KLF8: variants seen among roughly 807,000 people sequenced by gnomAD.
KLF8 encodes the protein KLF transcription factor 8, also known as Krueppel-like factor 8.
Under a neutral mutation model 18.2 loss-of-function variants are expected in KLF8, and 10 were observed. The ratio of observed to expected loss-of-function variants is 0.55; its 90% CI spans 0.34 to 0.93. KLF8 has a LOEUF of 0.93. Among genes scored for constraint, KLF8 ranks in the 40% least tolerant of loss-of-function variants. KLF8 has a pLI of 0.02. For synonymous variants in KLF8, 109 were observed against 97.3 expected (o/e 1.12, Z -0.71); for missense variants, 264 against 277.9 (o/e 0.95, Z 0.36).
In KLF8 at chrX:56,232,801, T is replaced by C. The variant is rs2147549004; in HGVS notation, c.-534T>C. 1 of 115,016 alleles carries C rather than the reference T, an allele frequency of 8.7e-6. No homozygotes were observed. Among genetic ancestry groups the C allele is most frequent in the East Asian group, 2.7e-4 (1 of 3,730 alleles). The allele number at this position is 115,016 out of a possible 1,213,427, so 9.5% of individuals were successfully genotyped here. A position where few individuals can be genotyped will look rare whatever the true frequency, so the allele number is the denominator to read the frequency against. On this transcript the variant is annotated 5_prime_UTR_variant, in exon 1 of 6. Coordinates refer to ENST00000468660, the MANE Select transcript of KLF8 (RefSeq NM_007250.5). ...ATTTCTTCTCCGCCTCAACTTTATG[T>C]TCAAGTAGCGCTTTGGGGGTTGGGT...
intron 2 of KLF8, among the ~76,000 whole-genome samples, chrX:56,264,276 T>C (rs1409460038): frequency 9.0e-6 from 1 of 111,356 alleles, no homozygotes; most frequent in African/African-American, 3.2e-5. Context: ...AAAAAAGTAT[T>C]AGTTTTTTAT....
At chrX:56,060,388 G>A in the KLF8 span, among the ~76,000 whole-genome samples, 4 of 111,623 alleles carry the variant, frequency 3.6e-5, no homozygotes, top group African/African-American at 9.8e-5. Flanking sequence ...AGAGTTTTTA[G>A]CATGAAGAGG....
At chrX:56,081,176 C>T in the KLF8 span, among the ~76,000 whole-genome samples, 1 of 111,801 alleles carries the variant, frequency 8.9e-6, no homozygotes, top group East Asian at 2.8e-4. Flanking sequence ...CATCTTTGTT[C>T]TGTTGCTTGT....
the KLF8 span, among the ~76,000 whole-genome samples, chrX:55,987,527 A>C: frequency 8.9e-6 from 1 of 111,733 alleles, no homozygotes; most frequent in Non-Finnish European, 1.9e-5. Flanking sequence ...AAAGGACATG[A>C]ACTCATCATT....
At chrX:56,265,877 T>C (rs1463069239) in intron 3 of KLF8, 133 bp downstream of exon 3, 1 of 1,065,528 alleles carries the variant, frequency 9.4e-7, no homozygotes. Flanking sequence ...TCAAAAGTAC[T>C]GTTTTTTATG....
chrX:56,017,016 T>C, the KLF8 span, among the ~76,000 whole-genome samples: 1 of 111,619 alleles, frequency 9.0e-6, no homozygotes, highest in African/African-American at 3.3e-5. Context: ...AGGGAGGTGC[T>C]ATATATCTAT....
the KLF8 span, among the ~76,000 whole-genome samples, chrX:55,911,978 G>A: frequency 8.9e-6 from 1 of 112,020 alleles, no homozygotes; most frequent in East Asian, 2.8e-4. Flanking sequence ...AGATACTGAT[G>A]TAATTGGTTG....
rs2147652509 is a variant in KLF8, at chrX:56,265,605, A to C, written c.507A>C (p.Pro169=). The change falls in exon 3 of 6, where the codon CCA becomes CCC. Residue 169 remains proline (P), a synonymous_variant. Transcript: ENST00000468660. ...VIHTIPSVSL[P]NKMGGLKTIP... Reference sequence around the variant, plus strand: ...ACACTATCCCCTCAGTCAGTCTGCCAAATAAGATGGGTGGCCTGAAGACCA... The same window carrying C: ...ACACTATCCCCTCAGTCAGTCTGCCCAATAAGATGGGTGGCCTGAAGACCA... The C allele has an allele frequency of 8.3e-7, 1 of 1,211,902 alleles. No individual in the cohort carries two copies. The highest frequency in any genetic ancestry group is 3.0e-5 in the East Asian group (1 of 33,859).
At chrX:56,174,653 A>G in the KLF8 span, among the ~76,000 whole-genome samples, 1 of 111,928 alleles carries the variant, frequency 8.9e-6, no homozygotes, top group African/African-American at 3.2e-5. Context: ...ATTGATTGGA[A>G]TAGTTTCAGA....
the KLF8 span, among the ~76,000 whole-genome samples, chrX:56,135,619 G>T: frequency 5.5e-5 from 6 of 109,980 alleles, 1 homozygote; most frequent in African/African-American, 2.0e-4. Flanking sequence ...GTTAATGGGT[G>T]CAGCACACCA....
At chrX:56,206,146 A>C in the KLF8 span, among the ~76,000 whole-genome samples, 2 of 111,270 alleles carry the variant, frequency 1.8e-5, no homozygotes, top group African/African-American at 6.5e-5. Flanking sequence ...ATCTCCACCT[A>C]GCCCTTCCCT....
chrX:56,195,421 G>T, the KLF8 span, among the ~76,000 whole-genome samples: 1 of 112,195 alleles, frequency 8.9e-6, no homozygotes, highest in African/African-American at 3.2e-5. Flanking sequence ...CATGGTTTGA[G>T]AACTTCGTGA....
At chrX:55,939,442 C>T in the KLF8 span, among the ~76,000 whole-genome samples, 1 of 111,375 alleles carries the variant, frequency 9.0e-6, no homozygotes, top group East Asian at 2.8e-4. Flanking sequence ...CTAAAATTGA[C>T]ACCCTAACAT....
chrX:56,014,233 C>A, the KLF8 span, among the ~76,000 whole-genome samples: 2 of 112,045 alleles, frequency 1.8e-5, no homozygotes, highest in Non-Finnish European at 3.8e-5. Context: ...TGCAACCTAT[C>A]CATCTGACAA....
chrX:56,153,442 T>A, the KLF8 span, among the ~76,000 whole-genome samples: 8 of 111,609 alleles, frequency 7.2e-5, no homozygotes, highest in Admixed American at 7.7e-4. Flanking sequence ...TTCTCATACA[T>A]GTCTCTGCAT....
At chrX:56,119,992 C>A in the KLF8 span, among the ~76,000 whole-genome samples, 20 of 105,736 alleles carry the variant, frequency 1.9e-4, no homozygotes, top group Admixed American at 1.7e-3. Flanking sequence ...TTTAGAAAGG[C>A]TATATATATA....
At chrX:56,034,600 G>A in the KLF8 span, among the ~76,000 whole-genome samples, 1 of 110,739 alleles carries the variant, frequency 9.0e-6, no homozygotes, top group Non-Finnish European at 1.9e-5. Flanking sequence ...TAAGATCAGG[G>A]TAACTAACAT....
At chrX:56,144,889 A>G in the KLF8 span, among the ~76,000 whole-genome samples, 3 of 107,447 alleles carry the variant, frequency 2.8e-5, no homozygotes, top group Admixed American at 1.0e-4. Context: ...GCCTCCCGGG[A>G]TCAAGCGATT....
the KLF8 span, among the ~76,000 whole-genome samples, chrX:56,069,272 TC>T: frequency 8.9e-6 from 1 of 111,771 alleles, no homozygotes; most frequent in Non-Finnish European, 1.9e-5. Flanking sequence ...ACCCCACTGA[TC>T]TAATCCCTGC....
Sources: allele counts gnomAD v4.1 joint callset (sites outside exome capture counted in the v4.1 genomes callset), GRCh38; gene constraint gnomAD v4.1.1; transcripts MANE v1.5; gene names NCBI Gene and HGNC (gene_info 2026-07-23, HGNC 2026-07-21).